The following NET1 variants were observed in gnomAD, a reference collection of about 807,000 sequenced individuals.
The protein encoded by NET1 is neuroepithelial cell transforming 1, also known as neuroepithelial cell-transforming gene 1 protein.
In NET1, 42 loss-of-function variants were observed where a neutral mutation model predicts 61.1. The observed-to-expected ratio is 0.69, with a 90% CI of 0.54 to 0.89. The LOEUF (loss-of-function observed/expected upper bound fraction) is 0.89. Ranked by LOEUF, NET1 falls within the 40% of genes least tolerant of loss-of-function variation. The pLI is 0.00. For missense variants in NET1, 654 were observed against 747.3 expected, an observed-to-expected ratio of 0.88 and a Z score of 1.46; for synonymous variants, 254 against 281.8, an observed-to-expected ratio of 0.90 and a Z score of 0.99.
In NET1 at chr10:5,452,450, C is replaced by G; in HGVS notation, c.456C>G (p.Ser152Arg). The change falls in exon 5 of 12, where the codon AGC becomes AGG. Residue 152 changes from serine (S) to arginine (R), a missense_variant. By Grantham distance (110) the Ser-to-Arg change is moderately radical. Coordinates refer to ENST00000355029, the MANE Select transcript of NET1 (RefSeq NM_001047160.3). The surrounding 1 kb of genome is among the most constrained non-coding windows in gnomAD (Gnocchi z 4.0). Reference sequence around the variant, plus strand: ...TCCCAACACCCGCCAAGAGAAGGAGCAGTGCACTGTGGTCAGAGATGCTGG... The same window carrying G: ...TCCCAACACCCGCCAAGAGAAGGAGGAGTGCACTGTGGTCAGAGATGCTGG... ...STVPTPAKRR[S>R]SALWSEMLDI... is the part of the protein sequence containing the mutation. 6.2e-7 allele frequency: 1 copy of G among 1,614,092 alleles called. No homozygotes were observed. Among genetic ancestry groups the G allele is most frequent in the Non-Finnish European group, 8.5e-7 (1 of 1,180,004 alleles).
chr10:5,413,735 T>C (rs921525670), intron 1 of NET1, among the ~76,000 whole-genome samples: 2 of 152,228 alleles, frequency 1.3e-5, no homozygotes, highest in African/African-American at 2.4e-5. Context: ...TTTCCAAGAA[T>C]GGTTACAATA....
In NET1 at chr10:5,439,624, C is replaced by G. The variant is rs374978991; in HGVS notation, c.255+10395C>G. Among the ~76,000 whole-genome samples the G allele has an allele frequency of 6.6e-6, 1 of 152,240 alleles. No homozygotes were observed. On this transcript the variant is annotated intron_variant, in intron 3 of 11. Transcript: ENST00000355029. This position sits in a 1 kb window ranked among gnomAD's most constrained non-coding sequence, Gnocchi z 4.8. ...GATGTCCTGTAGCCAGGGCCTCACT[C>G]TAACTAGGTCTGCCCCACACCTGGG...
Position 5,452,629 on chromosome 10 carries a change from A to G in NET1, c.531+104A>G, listed in dbSNP as rs1265455743. 4 of 1,227,930 alleles carry G rather than the reference A, an allele frequency of 3.3e-6. No homozygotes were observed. The highest frequency in any genetic ancestry group is 3.0e-5 in the South Asian group (2 of 65,772). The allele number at this position is 1,227,930 out of a possible 1,614,324, so 76.1% of individuals were successfully genotyped here. On this transcript the variant is annotated intron_variant, in intron 5 of 11. Coordinates refer to ENST00000355029, the MANE Select transcript of NET1 (RefSeq NM_001047160.3). The surrounding 1 kb of genome is among the most constrained non-coding windows in gnomAD (Gnocchi z 4.0). ...GTGTTTGAGCAACAATTCCTAATAC[A>G]TGGTGAACAAAACCTAATGATGGAT... is the stretch of plus-strand genomic sequence containing the variant.
In NET1 at chr10:5,454,250, T is replaced by G. The variant is rs1224250499; in HGVS notation, c.769-15T>G. On this transcript the variant is annotated splice_polypyrimidine_tract_variant and intron_variant, in intron 8 of 11. Coordinates refer to ENST00000355029, the MANE Select transcript of NET1 (RefSeq NM_001047160.3). The surrounding 1 kb of genome is among the most constrained non-coding windows in gnomAD (Gnocchi z 8.1). ...AACAGGAACACATCATACCTTTTCT[T>G]TTATTACTCTTCAGTTACCGCGCTT... 7 of 1,605,290 alleles carry G rather than the reference T, an allele frequency of 4.4e-6. No homozygotes were observed. The highest frequency in any genetic ancestry group is 5.9e-6 in the Non-Finnish European group (7 of 1,177,180).
rs4277003 is a variant in NET1 at position 5,424,887 on chromosome 10, G to A, written c.129-1768G>A. Among the ~76,000 whole-genome samples, 147,678 of 152,246 alleles carry A rather than the reference G, an allele frequency of 0.97. 71,736 individuals carry two copies. The highest frequency in any genetic ancestry group is 1 in the Non-Finnish European group (67,978 of 68,030). On this transcript the variant is annotated intron_variant, in intron 1 of 11. Transcript: ENST00000355029. This position sits in a 1 kb window ranked among gnomAD's most constrained non-coding sequence, Gnocchi z 6.1. ...TCTTGTTACTGCTGCCAGAGCCCCA[G>A]TCATCTTTTGTAAGCAATATTAGAG...
chr10:5,417,516 A>G lies in NET1; in HGVS notation c.128+4696A>G, dbSNP rs988028631. Among the ~76,000 whole-genome samples, 11 of 152,166 alleles carry G rather than the reference A, an allele frequency of 7.2e-5. No individual in the cohort carries two copies. Among genetic ancestry groups the G allele is most frequent in the Non-Finnish European group, 2.9e-5 (2 of 68,034 alleles). On this transcript the variant is annotated intron_variant, in intron 1 of 11. Coordinates refer to ENST00000355029, the MANE Select transcript of NET1 (RefSeq NM_001047160.3). The surrounding 1 kb of genome is among the most constrained non-coding windows in gnomAD (Gnocchi z 5.5). ...AGGAATACATACAATTGATTTTTGT[A>G]TATCGATCTTGGATCCTGCTACCTT...
At chr10:5,450,874 T>G (rs960224504) in intron 3 of NET1, among the ~76,000 whole-genome samples, 2 of 152,252 alleles carry the variant, frequency 1.3e-5, no homozygotes, top group African/African-American at 4.8e-5. Context: ...ATAAGTGATG[T>G]GTTTGCTATA....
rs780704844 is a variant in NET1, at chr10:5,452,380, A to G, written c.386A>G (p.His129Arg). ...AAGTCATTTACCCTTCGTGGTGACC[A>G]CAGATCCCCAGCCTCTGCCCAGAAG... ...TIQSFTLRGD[H>R]RSPASAQKFS... Residue 129 changes from histidine to arginine, a missense_variant, in exon 5 of 12, where the codon CAC (histidine) becomes CGC (arginine). By Grantham distance (29) the His-to-Arg change is conservative. Transcript: ENST00000355029. The surrounding 1 kb of genome is among the most constrained non-coding windows in gnomAD (Gnocchi z 4.0). 6.2e-7 allele frequency: 1 copy of G among 1,612,684 alleles called. No individual in the cohort carries two copies. The highest frequency in any genetic ancestry group is 8.5e-7 in the Non-Finnish European group (1 of 1,179,188).
At chr10:5,442,697 C>A (rs1259731925) in intron 3 of NET1, among the ~76,000 whole-genome samples, 4 of 152,046 alleles carry the variant, frequency 2.6e-5, no homozygotes, top group Non-Finnish European at 5.9e-5. Context: ...GAATTCGAGA[C>A]CAGCCTGGCC....
intron 3 of NET1, among the ~76,000 whole-genome samples, chr10:5,450,882 A>C (rs1487187130): frequency 1.3e-5 from 2 of 152,218 alleles, no homozygotes; most frequent in Admixed American, 6.5e-5. Context: ...TGTGTTTGCT[A>C]TATTATTATT....
In NET1 at chr10:5,415,400, T is replaced by A. The variant is rs796258605; in HGVS notation, c.128+2580T>A. On this transcript the variant is annotated intron_variant, in intron 1 of 11. Transcript: ENST00000355029. The surrounding 1 kb of genome is among the most constrained non-coding windows in gnomAD (Gnocchi z 4.7). ...TGGACATTGCATATGAATGGATTTA[T>A]GTAATGTGTGTGGCCATTTTTGGTG... Among the ~76,000 whole-genome samples the A allele has an allele frequency of 3.3e-5, 5 of 152,010 alleles. No homozygotes were observed. Among genetic ancestry groups the A allele is most frequent in the African/African-American group, 1.2e-4 (5 of 41,496 alleles).
At position 5,441,631 on chromosome 10, in the gene NET1, A is replaced by G. The variant is rs1182472057; in HGVS notation, c.256-10199A>G. ...GCACAAAAGAACCATTGTTTTGACAATACCAAACTTATTAGCCTATGAGAC... is the reference window on the plus strand; with the variant it reads ...GCACAAAAGAACCATTGTTTTGACAGTACCAAACTTATTAGCCTATGAGAC... On this transcript the variant is annotated intron_variant, in intron 3 of 11. Transcript: ENST00000355029. This position sits in a 1 kb window ranked among gnomAD's most constrained non-coding sequence, Gnocchi z 4.6. 1.3e-5 allele frequency among the ~76,000 whole-genome samples: 2 copies of G among 152,364 alleles called. No individual in the cohort carries two copies. The highest frequency in any genetic ancestry group is 3.9e-4 in the East Asian group (2 of 5,194).
rs1215100635 is a variant in NET1, at chr10:5,458,178, C to G, written c.*1184C>G. ...ACAATGAAATGTGTTAAAAATTTGA[C>G]CATATTAGATAAATTTTCGTGGATT... On this transcript the variant is annotated 3_prime_UTR_variant, in exon 12 of 12. Coordinates refer to ENST00000355029, the MANE Select transcript of NET1 (RefSeq NM_001047160.3). This position sits in a 1 kb window ranked among gnomAD's most constrained non-coding sequence, Gnocchi z 4.5. The G allele has an allele frequency of 2.6e-5, 4 of 152,076 alleles. No individual in the cohort carries two copies. Among genetic ancestry groups the G allele is most frequent in the Non-Finnish European group, 5.9e-5 (4 of 68,020 alleles). The allele number at this position is 152,076 out of a possible 1,614,324, so 9.4% of individuals were successfully genotyped here.
rs76215855 is a variant in NET1, at chr10:5,440,826, G to C, written c.256-11004G>C. Among the ~76,000 whole-genome samples the C allele has an allele frequency of 6.5e-3, 989 of 152,260 alleles. 37 individuals carry two copies. The East Asian group carries it at 0.11, about 16-fold the overall frequency. ...GTAAGGCATTGCCTCACTACTCTGTGTCTCATCCCTATTCATACCTGTAGT... is the reference window on the plus strand; with the variant it reads ...GTAAGGCATTGCCTCACTACTCTGTCTCTCATCCCTATTCATACCTGTAGT... On this transcript the variant is annotated intron_variant, in intron 3 of 11. Coordinates refer to ENST00000355029, the MANE Select transcript of NET1 (RefSeq NM_001047160.3). The surrounding 1 kb of genome is among the most constrained non-coding windows in gnomAD (Gnocchi z 4.1).
chr10:5,451,902 A>C lies in NET1; in HGVS notation c.328A>C (p.Asn110His), dbSNP rs757921645. The change falls in exon 4 of 12, where the codon AAT (asparagine) becomes CAT (histidine). Residue 110 changes from asparagine to histidine, a missense_variant. Coordinates refer to ENST00000355029, the MANE Select transcript of NET1 (RefSeq NM_001047160.3). The surrounding 1 kb of genome is among the most constrained non-coding windows in gnomAD (Gnocchi z 6.1). ...GGCAAATTTAATCTCTCCTGTAAGA[A>C]ATGGAGCTGTCAGACGTTTTGGTCA... ...SLANLISPVR[N>H]GAVRRFGQTI... 1 of 1,614,020 alleles carries C rather than the reference A, an allele frequency of 6.2e-7. No homozygotes were observed. Among genetic ancestry groups the C allele is most frequent in the South Asian group, 1.1e-5 (1 of 91,080 alleles).
At chr10:5,436,240 ATATATATATTTTT>A (rs1832434314) in intron 3 of NET1, among the ~76,000 whole-genome samples, 1 of 23,316 alleles carries the variant, frequency 4.3e-5, no homozygotes, top group Non-Finnish European at 9.4e-5. Flanking sequence ...ATATATATAT[ATATATATATTTTT>A]TTTTTTTTTT....
rs1036649729 is a variant in NET1, at chr10:5,449,001, T to G, written c.256-2829T>G. On this transcript the variant is annotated intron_variant, in intron 3 of 11. Coordinates refer to ENST00000355029, the MANE Select transcript of NET1 (RefSeq NM_001047160.3). The surrounding 1 kb of genome is among the most constrained non-coding windows in gnomAD (Gnocchi z 4.4). ...CCTCTAAAGAAAACTACTTTTGGTT[T>G]CGGCTCACATGGGCCAATTTCTGAC... Among the ~76,000 whole-genome samples the G allele has an allele frequency of 1.3e-5, 2 of 152,226 alleles. No individual in the cohort carries two copies. Among genetic ancestry groups the G allele is most frequent in the Non-Finnish European group, 2.9e-5 (2 of 68,026 alleles).
In NET1 at chr10:5,439,275, C is replaced by T. The variant is rs1774927926; in HGVS notation, c.255+10046C>T. On this transcript the variant is annotated intron_variant, in intron 3 of 11. Transcript: ENST00000355029. This position sits in a 1 kb window ranked among gnomAD's most constrained non-coding sequence, Gnocchi z 4.8. The stretch of plus-strand genomic sequence containing the variant: ...GATTACCCCTGAATGGGATGCAGTG[C>T]AATAGTGGTCCATTTTCTGCTCATA... Among the ~76,000 whole-genome samples the T allele has an allele frequency of 6.6e-6, 1 of 152,138 alleles. No homozygotes were observed. Among genetic ancestry groups the T allele is most frequent in the African/African-American group, 2.4e-5 (1 of 41,412 alleles).
At position 5,421,859 on chromosome 10, in the gene NET1, A is replaced by G. The variant is rs556960416; in HGVS notation, c.129-4796A>G. On this transcript the variant is annotated intron_variant, in intron 1 of 11. Coordinates refer to ENST00000355029, the MANE Select transcript of NET1 (RefSeq NM_001047160.3). This position sits in a 1 kb window ranked among gnomAD's most constrained non-coding sequence, Gnocchi z 4.2. ...TCTATTTTCAGGACATACAAGTGGA[A>G]TCATACAATGTGTAGTCTTTCTGCT... Among the ~76,000 whole-genome samples the G allele has an allele frequency of 3.9e-5, 6 of 152,340 alleles. No individual in the cohort carries two copies. The highest frequency in any genetic ancestry group is 1.4e-4 in the African/African-American group (6 of 41,586).
Sources: allele counts gnomAD v4.1 joint callset (sites outside exome capture counted in the v4.1 genomes callset), GRCh38; gene constraint gnomAD v4.1.1; non-coding constraint Gnocchi (gnomAD v3.1); transcripts MANE v1.5; gene names NCBI Gene and HGNC (gene_info 2026-07-23, HGNC 2026-07-21).